The following CNTNAP5 variants were observed in gnomAD, a reference collection of about 807,000 sequenced individuals.
CNTNAP5 encodes the protein contactin associated protein family member 5, also known as contactin-associated protein-like 5.
Under a neutral mutation model 150.2 loss-of-function variants are expected in CNTNAP5, and 72 were observed. That is an observed-to-expected ratio of 0.48 (90% CI 0.40 to 0.58). The LOEUF (loss-of-function observed/expected upper bound fraction) is 0.58, where lower values mean the gene tolerates loss of function less well. Ranked by LOEUF, CNTNAP5 falls within the 20% of genes least tolerant of loss-of-function variation. The pLI is 0.00. For synonymous variants in CNTNAP5, 672 were observed against 619.8 expected (o/e 1.08, Z -1.25); for missense variants, 1,636 against 1,626.2 (o/e 1.01, Z -0.10).
intron 13 of CNTNAP5, among the ~76,000 whole-genome samples, chr2:124,735,844 A>G (rs1573582295): frequency 6.6e-6 from 1 of 152,186 alleles, no homozygotes; most frequent in African/African-American, 2.4e-5. Context: ...TGAATGAGTT[A>G]TGTGATGTGA....
chr2:124,517,934 G>A (rs757755794), intron 8 of CNTNAP5, among the ~76,000 whole-genome samples: 24 of 151,714 alleles, frequency 1.6e-4, no homozygotes, highest in Non-Finnish European at 2.4e-4. Flanking sequence ...TGGTGATGGA[G>A]GGTGATGATG....
chr2:124,199,648 C>A (rs1232201784), intron 1 of CNTNAP5, among the ~76,000 whole-genome samples: 2 of 152,094 alleles, frequency 1.3e-5, no homozygotes, highest in Non-Finnish European at 2.9e-5. Flanking sequence ...CTCCTGACCT[C>A]AGGTGATGCA....
intron 1 of CNTNAP5, among the ~76,000 whole-genome samples, chr2:124,194,836 TAAA>T (rs569009816): frequency 2.6e-5 from 4 of 151,770 alleles, no homozygotes; most frequent in Non-Finnish European, 4.4e-5. Flanking sequence ...ATTTATCTTC[TAAA>T]AAAACGTTTC....
chr2:124,798,250 G>A lies in CNTNAP5; in HGVS notation c.3147G>A (p.Gln1049=). 1 of 1,613,914 alleles carries A rather than the reference G, an allele frequency of 6.2e-7. No homozygotes were observed. Among genetic ancestry groups the A allele is most frequent in the Non-Finnish European group, 8.5e-7 (1 of 1,179,844 alleles). ...ENIALSFVTT[Q]APSLLLFINS... Reference sequence around the variant, plus strand: ...TTGCACTTAGCTTTGTGACAACCCAGGCACCCAGTCTTTTGCTCTTTATCA... The same window carrying A: ...TTGCACTTAGCTTTGTGACAACCCAAGCACCCAGTCTTTTGCTCTTTATCA... Residue 1049 remains glutamine (Q), a synonymous_variant, in exon 19 of 24, where the codon CAG becomes CAA. Coordinates refer to ENST00000682447, the MANE Select transcript of CNTNAP5 (RefSeq NM_001367498.1).
chr2:124,264,175 C>T (rs1227653424), intron 3 of CNTNAP5, among the ~76,000 whole-genome samples: 3 of 152,032 alleles, frequency 2.0e-5, no homozygotes, highest in South Asian at 2.1e-4. Flanking sequence ...ATGCTCAAAC[C>T]GTGGGTGTTC....
intron 13 of CNTNAP5, among the ~76,000 whole-genome samples, chr2:124,675,480 T>C (rs200382679): frequency 1.3e-5 from 2 of 152,282 alleles, no homozygotes; most frequent in East Asian, 3.9e-4. Context: ...CTGACAGGAT[T>C]CCCACTTGCC....
intron 14 of CNTNAP5, among the ~76,000 whole-genome samples, chr2:124,753,691 A>G (rs1173924740): frequency 6.6e-6 from 1 of 152,146 alleles, no homozygotes; most frequent in Non-Finnish European, 1.5e-5. Context: ...GGTTATATAC[A>G]CATTTTCGTT....
chr2:124,454,270 A>G (rs929185406), intron 6 of CNTNAP5, among the ~76,000 whole-genome samples: 7 of 152,188 alleles, frequency 4.6e-5, no homozygotes, highest in African/African-American at 1.7e-4. Context: ...TAGACAAAAC[A>G]GACTTTAAAG....
At chr2:124,657,582 A>G (rs1678486040) in intron 13 of CNTNAP5, among the ~76,000 whole-genome samples, 1 of 152,142 alleles carries the variant, frequency 6.6e-6, no homozygotes, top group African/African-American at 2.4e-5. Context: ...CTGCAGCCAG[A>G]GTGATAATCT....
chr2:124,571,527 C>CTTTTTCTTTTTCTCTTTTTTTTCTTTTTT, intron 11 of CNTNAP5, among the ~76,000 whole-genome samples: 2 of 46,846 alleles, frequency 4.3e-5, no homozygotes, highest in Non-Finnish European at 7.1e-5. Flanking sequence ...TTTCTTTTTT[C>CTTTTTCTTTTTCTCTTTTTTTTCTTTTTT]TTTTTTTTTT....
intron 3 of CNTNAP5, among the ~76,000 whole-genome samples, chr2:124,263,647 G>C (rs1018207525): frequency 6.6e-6 from 1 of 152,110 alleles, no homozygotes; most frequent in Non-Finnish European, 1.5e-5. Context: ...AAGCTCTTTA[G>C]TTTAATTAGA....
chr2:124,457,576 T>C (rs1159988282), intron 6 of CNTNAP5, among the ~76,000 whole-genome samples: 1 of 152,172 alleles, frequency 6.6e-6, no homozygotes, highest in Admixed American at 6.5e-5. Flanking sequence ...CCAGGGTACA[T>C]GTATAGGATG....
intron 3 of CNTNAP5, among the ~76,000 whole-genome samples, chr2:124,295,825 T>A (rs1688415326): frequency 6.6e-6 from 1 of 152,212 alleles, no homozygotes; most frequent in Non-Finnish European, 1.5e-5. Flanking sequence ...ATAGGGTAAC[T>A]TCCTGACATT....
chr2:124,822,954 T>C (rs1036802687), intron 19 of CNTNAP5, among the ~76,000 whole-genome samples: 1 of 152,228 alleles, frequency 6.6e-6, no homozygotes, highest in Non-Finnish European at 1.5e-5. Flanking sequence ...TGTGTGACCA[T>C]CATCACTGAA....
At chr2:124,835,299 A>C (rs1453310565) in intron 19 of CNTNAP5, among the ~76,000 whole-genome samples, 2 of 152,068 alleles carry the variant, frequency 1.3e-5, no homozygotes, top group Non-Finnish European at 2.9e-5. Context: ...AAATGTTATG[A>C]TCATTTGCTT....
intron 3 of CNTNAP5, among the ~76,000 whole-genome samples, chr2:124,378,177 T>C (rs1322196554): frequency 6.6e-6 from 1 of 151,948 alleles, no homozygotes; most frequent in African/African-American, 2.4e-5. Context: ...AACCTCTTCA[T>C]CCTTTAAATT....
chr2:124,538,308 A>G (rs1399214635), intron 10 of CNTNAP5, among the ~76,000 whole-genome samples: 1 of 152,102 alleles, frequency 6.6e-6, no homozygotes, highest in African/African-American at 2.4e-5. Context: ...GCAAAACTCC[A>G]TCTCTACTAA....
In CNTNAP5 at chr2:124,663,064, G is replaced by A. The variant is rs115473176; in HGVS notation, c.2077+15106G>A. ...ACAAAACCATCTGAGTTAATCCTTC[G>A]AATCCCGTGAGGTGTAGGTTATTAC... On this transcript the variant is annotated intron_variant, in intron 13 of 23. Transcript: ENST00000682447. 3.0e-3 allele frequency among the ~76,000 whole-genome samples: 460 copies of A among 152,252 alleles called. 1 individual carries two copies. The highest frequency in any genetic ancestry group is 0.014 in the Middle Eastern group (4 of 294).
At chr2:124,501,378 C>T (rs1331022208) in intron 7 of CNTNAP5, among the ~76,000 whole-genome samples, 3 of 152,014 alleles carry the variant, frequency 2.0e-5, no homozygotes, top group Non-Finnish European at 4.4e-5. Flanking sequence ...GACAAATGGG[C>T]TTTGGGGAAT....
Sources: gnomAD v4.1 joint callset for allele counts (sites outside exome capture counted in the v4.1 genomes callset) on GRCh38, gnomAD v4.1.1 for gene constraint, MANE v1.5 for transcripts, NCBI Gene and HGNC (gene_info 2026-07-23, HGNC 2026-07-21) for gene names.